PHF24: variants seen among roughly 807,000 people sequenced by gnomAD.
PHF24 encodes the protein Galpha inhibitory interacting protein.
A neutral mutation model predicts 42.6 loss-of-function variants in PHF24; 25 were observed. The ratio of observed to expected loss-of-function variants is 0.59; its 90% confidence interval spans 0.43 to 0.82. The LOEUF (loss-of-function observed/expected upper bound fraction) is 0.82, where lower values mean the gene tolerates loss of function less well. Ranked by LOEUF, PHF24 falls within the 40% of genes least tolerant of loss-of-function variation. The pLI, the probability that PHF24 is intolerant of heterozygous loss-of-function variation, is 0.00. For synonymous variants in PHF24, 185 were observed against 204.8 expected (o/e 0.90, Z 0.83); for missense variants, 470 against 538.1 (o/e 0.87, Z 1.25).
At chr9:34,695,844 C>T in the PHF24 span, among the ~76,000 whole-genome samples, 5 of 151,976 alleles carry the variant, frequency 3.3e-5, no homozygotes, top group East Asian at 9.6e-4. Flanking sequence ...CTGTTTCCTG[C>T]CAGGGTCCTC....
chr9:34,856,215 A>T, the PHF24 span, among the ~76,000 whole-genome samples: 1 of 152,112 alleles, frequency 6.6e-6, no homozygotes, highest in Non-Finnish European at 1.5e-5. Context: ...TTGGGTTGGA[A>T]CATGCTTCTT....
chr9:34,836,505 C>T, the PHF24 span, among the ~76,000 whole-genome samples: 1 of 152,174 alleles, frequency 6.6e-6, no homozygotes, highest in African/African-American at 2.4e-5. Context: ...TTATGTGGTA[C>T]TTATGCATTC....
chr9:34,709,339 C>G, the PHF24 span: 1 of 1,597,462 alleles, frequency 6.3e-7, no homozygotes, highest in South Asian at 1.1e-5. Context: ...TGGGTTCAGG[C>G]TTCAAGCGCT....
chr9:34,775,119 T>G, the PHF24 span, among the ~76,000 whole-genome samples: 1 of 152,192 alleles, frequency 6.6e-6, no homozygotes, highest in Non-Finnish European at 1.5e-5. Flanking sequence ...TGTAACAGTA[T>G]TGTTTACAAT....
the PHF24 span, among the ~76,000 whole-genome samples, chr9:34,844,676 TTGTTATTTCACTCTTCTTAAATG>T: frequency 6.6e-6 from 1 of 152,208 alleles, no homozygotes; most frequent in South Asian, 2.1e-4. Context: ...CTTCTTAAAT[TTGTTATTTCACTCTTCTTAAATG>T]TGTTATTTCA....
At chr9:34,755,627 A>AATT in the PHF24 span, among the ~76,000 whole-genome samples, 1 of 151,426 alleles carries the variant, frequency 6.6e-6, no homozygotes, top group South Asian at 2.1e-4. Context: ...TTTTAATTTT[A>AATT]ATTATGATTA....
At chr9:34,871,939 G>A in the PHF24 span, among the ~76,000 whole-genome samples, 2 of 152,028 alleles carry the variant, frequency 1.3e-5, no homozygotes, top group Non-Finnish European at 2.9e-5. Flanking sequence ...ATTTTTATTG[G>A]GATTGCATCA....
At chr9:34,765,344 T>G in the PHF24 span, among the ~76,000 whole-genome samples, 1 of 149,414 alleles carries the variant, frequency 6.7e-6, no homozygotes, top group Non-Finnish European at 1.5e-5. Flanking sequence ...TAAGTCTCTT[T>G]GTAGGTCACT....
the PHF24 span, among the ~76,000 whole-genome samples, chr9:34,933,576 T>C: frequency 6.6e-6 from 1 of 151,390 alleles, no homozygotes. Context: ...TACAAAAAAA[T>C]TAGCCTGGCA....
the PHF24 span, among the ~76,000 whole-genome samples, chr9:34,773,880 G>A: frequency 6.6e-6 from 1 of 152,178 alleles, no homozygotes. Context: ...ACAGCTGAAT[G>A]TAATGTGGGG....
At chr9:34,976,021 T>C (rs1224075951) in intron 3 of PHF24, 131 bp from the exon 4 acceptor site, 1 of 678,374 alleles carries the variant, frequency 1.5e-6, no homozygotes, top group African/African-American at 1.8e-5. Flanking sequence ...ATCTCATTGA[T>C]TGTGAATAGG....
chr9:34,814,889 C>T, the PHF24 span, among the ~76,000 whole-genome samples: 1 of 152,106 alleles, frequency 6.6e-6, no homozygotes. Context: ...TATAGGCGCC[C>T]GCCACCATGG....
the PHF24 span, among the ~76,000 whole-genome samples, chr9:34,791,597 A>T: frequency 7.1e-6 from 1 of 141,678 alleles, no homozygotes; most frequent in African/African-American, 2.6e-5. Context: ...AAAAAAAAAA[A>T]GAAAAGAGGA....
chr9:34,773,370 A>G, the PHF24 span, among the ~76,000 whole-genome samples: 2 of 152,182 alleles, frequency 1.3e-5, no homozygotes, highest in Non-Finnish European at 2.9e-5. Flanking sequence ...GGACTGGGTC[A>G]GAAAACATGC....
chr9:34,780,542 C>G, the PHF24 span, among the ~76,000 whole-genome samples: 1 of 152,036 alleles, frequency 6.6e-6, no homozygotes, highest in Non-Finnish European at 1.5e-5. Flanking sequence ...GCTTCAGCCT[C>G]CCAAAGTGTT....
At chr9:34,739,336 T>C in the PHF24 span, among the ~76,000 whole-genome samples, 1 of 152,268 alleles carries the variant, frequency 6.6e-6, no homozygotes, top group South Asian at 2.1e-4. Context: ...ACGTTTGGAG[T>C]GCCATTTAGG....
chr9:34,792,196 G>A, the PHF24 span, among the ~76,000 whole-genome samples: 1 of 152,164 alleles, frequency 6.6e-6, no homozygotes, highest in Admixed American at 6.5e-5. Context: ...GAAACATCTT[G>A]GAAGTACAGT....
the PHF24 span, among the ~76,000 whole-genome samples, chr9:34,686,517 A>G: frequency 6.6e-6 from 1 of 152,202 alleles, no homozygotes; most frequent in African/African-American, 2.4e-5. Context: ...TGGCAGAGCA[A>G]TGTTAGCAAT....
chr9:34,703,766 A>C, the PHF24 span, among the ~76,000 whole-genome samples: 13 of 151,402 alleles, frequency 8.6e-5, 1 homozygote, highest in South Asian at 2.7e-3. Context: ...GGGCCTTGCC[A>C]TGTTGTTCAG....
Sources: allele counts gnomAD v4.1 joint callset (sites outside exome capture counted in the v4.1 genomes callset), GRCh38; gene constraint gnomAD v4.1.1; transcripts MANE v1.5; gene names NCBI Gene and HGNC (gene_info 2026-07-23, HGNC 2026-07-21).